Variants in ADAM20 observed in about 807,000 individuals in gnomAD.
ADAM20 encodes ADAM metallopeptidase domain 20, also known as disintegrin and metalloproteinase domain-containing protein 20.
For missense variants in ADAM20, 871 were observed against 883.2 expected (o/e 0.99, Z 0.18); for synonymous variants, 305 against 310.2 (o/e 0.98, Z 0.18).
Position 70,523,278 on chromosome 14 carries a change from C to T in ADAM20, c.1480G>A (p.Gly494Arg), listed in dbSNP as rs765924619. ...AAGGCATTCACATTACAGGAGATCC[C>T]GTCCTGCACATACACATCATCTGGG... ...QCPDDVYVQD[G>R]ISCNVNAFCY... Residue 494 changes from glycine to arginine, a missense_variant, in exon 2 of 2, where the codon GGG (glycine) becomes AGG (arginine). Gly to Arg is a moderately radical substitution (Grantham distance 125). Transcript: ENST00000256389. 25 of 1,613,854 alleles carry T rather than the reference C, an allele frequency of 1.5e-5. No individual in the cohort carries two copies. The highest frequency in any genetic ancestry group is 4.0e-5 in the African/African-American group (3 of 74,898).
At chr14:70,531,936 A>G (rs570999812) in intron 1 of ADAM20, among the ~76,000 whole-genome samples, 1 of 152,290 alleles carries the variant, frequency 6.6e-6, no homozygotes, top group Non-Finnish European at 1.5e-5. Flanking sequence ...AAAGCAATCT[A>G]CAGATTCAAT....
At chr14:70,561,434 T>C in the ADAM20 span, among the ~76,000 whole-genome samples, 1 of 152,250 alleles carries the variant, frequency 6.6e-6, no homozygotes, top group Admixed American at 6.5e-5. Flanking sequence ...AGTCTGACCA[T>C]ACAGTAGAAA....
At chr14:70,575,886 T>C in the ADAM20 span, among the ~76,000 whole-genome samples, 1 of 152,200 alleles carries the variant, frequency 6.6e-6, no homozygotes, top group Non-Finnish European at 1.5e-5. Context: ...AAAATTTGAA[T>C]ATACAATATG....
Position 70,523,713 on chromosome 14 carries a change from C to T in ADAM20, c.1045G>A (p.Gly349Ser). 1 of 1,613,982 alleles carries T rather than the reference C, an allele frequency of 6.2e-7. No individual in the cohort carries two copies. The highest frequency in any genetic ancestry group is 1.3e-5 in the African/African-American group (1 of 75,004). The change falls in exon 2 of 2, where the codon GGT becomes AGT. Residue 349 changes from glycine (G) to serine (S), a missense_variant. Coordinates refer to ENST00000256389, the MANE Select transcript of ADAM20 (RefSeq NM_003814.5). Reference sequence around the variant, plus strand: ...CACCACTGGGTGTCATGTTGCATACCCAAATTATGACCAAGCTCGTGGCCC... The same window carrying T: ...CACCACTGGGTGTCATGTTGCATACTCAAATTATGACCAAGCTCGTGGCCC... The part of the protein sequence containing the change: ...TLGHELGHNL[G>S]MQHDTQWCVC...
the ADAM20 span, among the ~76,000 whole-genome samples, chr14:70,542,322 A>C: frequency 6.6e-6 from 1 of 152,328 alleles, no homozygotes. Flanking sequence ...CAATTGGAAA[A>C]ACTGGTTATT....
rs766849076 is a variant in ADAM20, at chr14:70,524,655, G to A, written c.103C>T (p.Gln35Ter). 21 of 1,613,900 alleles carry A rather than the reference G, an allele frequency of 1.3e-5. 1 individual carries two copies. In the South Asian group the frequency reaches 2.2e-4, roughly 17 times the overall value. The stretch of plus-strand genomic sequence containing the variant: ...ACCACTTCTGGAGAAGTGAAATACT[G>A]GGAGGGCCTGGCCTGAGAGTGGCCA... ...ISGHSQARPSQYFTSPEVVIP... is the reference protein window; with the variant it reads ...ISGHSQARPS The change falls in exon 2 of 2, where the codon CAG becomes TAG. Residue 35 changes from glutamine to a stop codon, truncating the protein, a stop_gained. Transcript: ENST00000256389. LOFTEE classifies it low-confidence loss of function (END_TRUNC).
the ADAM20 span, among the ~76,000 whole-genome samples, chr14:70,566,633 G>A: frequency 6.6e-6 from 1 of 152,100 alleles, no homozygotes; most frequent in Non-Finnish European, 1.5e-5. Flanking sequence ...AAAAGACAAA[G>A]AGGAAGAATC....
At chr14:70,525,189 T>C (rs950069286) in intron 1 of ADAM20, among the ~76,000 whole-genome samples, 2 of 152,162 alleles carry the variant, frequency 1.3e-5, no homozygotes, top group African/African-American at 4.8e-5. Flanking sequence ...CATTTTCCAT[T>C]TTATTTTAAT....
chr14:70,567,960 C>A, the ADAM20 span, among the ~76,000 whole-genome samples: 1 of 152,110 alleles, frequency 6.6e-6, no homozygotes, highest in African/African-American at 2.4e-5. Context: ...CTTCCTGTTC[C>A]CACTGGCCCC....
Position 70,524,053 on chromosome 14 carries a change from A to T in ADAM20, c.705T>A (p.Phe235Leu). ...SNATTVQHEVFNVVNIVDSFY... is the reference protein window; with the variant it reads ...SNATTVQHEVLNVVNIVDSFY... ...AGGAATCCACTATATTGACAACGTT[A>T]AATACTTCATGCTGCACTGTTGTTG... is the stretch of plus-strand genomic sequence containing the variant. Residue 235 changes from phenylalanine (F) to leucine (L), a missense_variant, in exon 2 of 2, where the codon TTT (phenylalanine) becomes TTA (leucine). Physicochemically the swap from Phe to Leu is conservative, Grantham distance 22. Transcript: ENST00000256389. 1 of 1,613,958 alleles carries T rather than the reference A, an allele frequency of 6.2e-7. No homozygotes were observed.
chr14:70,546,405 A>G, the ADAM20 span, among the ~76,000 whole-genome samples: 1 of 152,216 alleles, frequency 6.6e-6, no homozygotes, highest in Non-Finnish European at 1.5e-5. Context: ...ATGAGACATC[A>G]ATCAATGTAT....
the ADAM20 span, among the ~76,000 whole-genome samples, chr14:70,559,810 A>T: frequency 7.6e-6 from 1 of 131,612 alleles, no homozygotes; most frequent in Non-Finnish European, 1.7e-5. Flanking sequence ...GAGGGAAGGA[A>T]AGCAGGAGAG....
At chr14:70,536,920 T>C (rs1207396241), upstream of ADAM20, among the ~76,000 whole-genome samples, 1 of 136,478 alleles carries the variant, frequency 7.3e-6, no homozygotes, top group Non-Finnish European at 1.5e-5. Context: ...AAACTCTTAG[T>C]CCATAGGAGC....
In ADAM20 at chr14:70,524,378, G is replaced by T. The variant is rs1402804132; in HGVS notation, c.380C>A (p.Thr127Asn). The T allele has an allele frequency of 1.2e-6, 2 of 1,613,918 alleles. No individual in the cohort carries two copies. The highest frequency in any genetic ancestry group is 2.7e-5 in the African/African-American group (2 of 75,002). Residue 127 changes from threonine (T) to asparagine (N), a missense_variant, in exon 2 of 2, where the codon ACC (threonine) becomes AAC (asparagine). By Grantham distance (65) the Thr-to-Asn change is moderately conservative (BLOSUM62 0). Transcript: ENST00000256389. ...CATTCCAAGAAAGCCCCCAGAACAGGTACTAAGGGCAACCAAGGACTCAGG... is the reference window on the plus strand; with the variant it reads ...CATTCCAAGAAAGCCCCCAGAACAGTTACTAAGGGCAACCAAGGACTCAGG... ...GVPESLVALS[T>N]CSGGFLGMLQ... is the part of the protein sequence containing the mutation.
At chr14:70,577,136 C>G in the ADAM20 span, among the ~76,000 whole-genome samples, 1 of 152,130 alleles carries the variant, frequency 6.6e-6, no homozygotes, top group Non-Finnish European at 1.5e-5. Flanking sequence ...ATGATGCTGA[C>G]GTAACCTTGT....
chr14:70,553,347 G>GAA, the ADAM20 span, among the ~76,000 whole-genome samples: 2,572 of 57,592 alleles, frequency 0.045, 254 homozygotes, highest in African/African-American at 0.16. Context: ...TAGCAGAATT[G>GAA]AAAAAAAAAA....
the ADAM20 span, among the ~76,000 whole-genome samples, chr14:70,562,197 A>T: frequency 6.6e-6 from 1 of 152,250 alleles, no homozygotes; most frequent in Non-Finnish European, 1.5e-5. Context: ...TGAATGTGAG[A>T]CATCATGTCA....
At chr14:70,527,965 A>G (rs538769938) in intron 1 of ADAM20, among the ~76,000 whole-genome samples, 2 of 152,316 alleles carry the variant, frequency 1.3e-5, no homozygotes, top group East Asian at 3.9e-4. Context: ...CAATGTTTAG[A>G]TTAAATTCAA....
At chr14:70,570,888 T>A in the ADAM20 span, among the ~76,000 whole-genome samples, 4 of 152,108 alleles carry the variant, frequency 2.6e-5, no homozygotes, top group African/African-American at 9.7e-5. Flanking sequence ...TAATTCAACA[T>A]CATATCAACC....
Sources: allele counts gnomAD v4.1 joint callset (sites outside exome capture counted in the v4.1 genomes callset), GRCh38; gene constraint gnomAD v4.1.1; transcripts MANE v1.5; gene names NCBI Gene and HGNC (gene_info 2026-07-23, HGNC 2026-07-21).